BPTF: variants seen among roughly 807,000 people sequenced by gnomAD.
BPTF encodes nucleosome-remodeling factor subunit BPTF.
A neutral mutation model predicts 292.5 loss-of-function variants in BPTF; 18 were observed. The ratio of observed to expected loss-of-function variants is 0.06; its 90% CI spans 0.04 to 0.09. The LOEUF (loss-of-function observed/expected upper bound fraction) is 0.09. BPTF is among the 10% of genes least tolerant of loss of function. The probability of loss-of-function intolerance (pLI) is 1.00; values close to 1 mark genes in which losing one functional copy is unlikely to be tolerated. For synonymous variants in BPTF, 1,225 were observed against 1,251.9 expected (o/e 0.98, Z 0.45); for missense variants, 2,726 against 3,498.7 (o/e 0.78, Z 5.57).
intron 2 of BPTF, among the ~76,000 whole-genome samples, chr17:67,857,319 C>G (rs1162995867): frequency 6.6e-6 from 1 of 151,764 alleles, no homozygotes; most frequent in Non-Finnish European, 1.5e-5. Context: ...CGCCACCGTG[C>G]CCGGTTAATT....
chr17:67,861,310 A>AC (rs1226824816), intron 2 of BPTF, among the ~76,000 whole-genome samples: 2 of 145,972 alleles, frequency 1.4e-5, no homozygotes, highest in East Asian at 4.0e-4. Flanking sequence ...AAGTAGTGTA[A>AC]CCCCCTACCC....
chr17:67,937,724 AGAGAGGTG>A (rs1050242573), intron 18 of BPTF, among the ~76,000 whole-genome samples: 3 of 143,974 alleles, frequency 2.1e-5, no homozygotes, highest in Non-Finnish European at 4.6e-5. Flanking sequence ...AGTTATGGTC[AGAGAGGTG>A]GAGGGTGGGT....
chr17:67,885,489 C>T (rs2060691795), intron 4 of BPTF, among the ~76,000 whole-genome samples: 1 of 152,032 alleles, frequency 6.6e-6, no homozygotes, highest in Non-Finnish European at 1.5e-5. Flanking sequence ...ACTCAGGAGG[C>T]TGAGGCGGGA....
chr17:67,892,324 T>G (rs2061171463), intron 5 of BPTF, among the ~76,000 whole-genome samples: 1 of 152,236 alleles, frequency 6.6e-6, no homozygotes, highest in South Asian at 2.1e-4. Context: ...AATTAAAGCC[T>G]TCTTTACACA....
intron 4 of BPTF, among the ~76,000 whole-genome samples, chr17:67,887,619 GACTTTTTCAATTGCAAGT>G (rs2146135518): frequency 6.6e-6 from 1 of 152,160 alleles, no homozygotes; most frequent in African/African-American, 2.4e-5. Flanking sequence ...TTTTAATTAG[GACTTTTTCAATTGCAAGT>G]GACCAAACCA....
At chr17:67,926,057 G>C (rs1176695152) in intron 15 of BPTF, among the ~76,000 whole-genome samples, 3 of 129,032 alleles carry the variant, frequency 2.3e-5, no homozygotes, top group Non-Finnish European at 3.1e-5. Flanking sequence ...CAGGCTGCTG[G>C]AGTGCAGTGG....
Position 67,875,922 on chromosome 17 carries a change from G to A in BPTF, c.1864+902G>A, listed in dbSNP as rs1478187096. Among the ~76,000 whole-genome samples, 11 of 152,186 alleles carry A rather than the reference G, an allele frequency of 7.2e-5. No individual in the cohort carries two copies. In the East Asian group the frequency reaches 1.3e-3, roughly 19 times the overall value. ...TTGGAGTTTGATAAATGTCCTCGCAGTTAGTGCTTGAAACTCATCATAATT... is the reference window on the plus strand; with the variant it reads ...TTGGAGTTTGATAAATGTCCTCGCAATTAGTGCTTGAAACTCATCATAATT... On this transcript the variant is annotated intron_variant, in intron 4 of 27. Coordinates refer to ENST00000306378, the MANE Select transcript of BPTF (RefSeq NM_182641.4).
In BPTF at chr17:67,945,746, A is replaced by G. The variant is rs1555674580; in HGVS notation, c.7038A>G (p.Pro2346=). ...AGTCTCCTGTTCGTGTCCAAAGTCC[A>G]TCACAGACTCGAATACGTCCATCAA... ...QGQSPVRVQS[P]SQTRIRPSTP... is the part of the protein sequence containing the mutation. Residue 2346 remains proline (P), a synonymous_variant, in exon 21 of 28, where the codon CCA becomes CCG. Coordinates refer to ENST00000306378, the MANE Select transcript of BPTF (RefSeq NM_182641.4). 2 of 1,614,188 alleles carry G rather than the reference A, an allele frequency of 1.2e-6. No homozygotes were observed. The highest frequency in any genetic ancestry group is 1.1e-5 in the South Asian group (1 of 91,078).
intron 26 of BPTF, chr17:67,975,562 C>A (rs940316801): frequency 2.9e-5 from 14 of 476,024 alleles, no homozygotes; most frequent in South Asian, 2.7e-4. Context: ...TAACAGCAAC[C>A]CGGATTTATA....
At chr17:67,909,829 CA>C (rs1568037633) in intron 10 of BPTF, 68 bp downstream of exon 10, 1 of 1,314,910 alleles carries the variant, frequency 7.6e-7, no homozygotes, top group Non-Finnish European at 1.0e-6. Flanking sequence ...GGTCCCACCA[CA>C]GGAAAGGTAC....
chr17:67,829,945 T>G (rs2143756141), intron 1 of BPTF, among the ~76,000 whole-genome samples: 1 of 152,348 alleles, frequency 6.6e-6, no homozygotes, highest in Non-Finnish European at 1.5e-5. Context: ...TGAAGATTGT[T>G]TTCCTTTTAT....
At chr17:67,913,833 T>C (rs1040915146) in intron 11 of BPTF, among the ~76,000 whole-genome samples, 1 of 152,222 alleles carries the variant, frequency 6.6e-6, no homozygotes, top group African/African-American at 2.4e-5. Flanking sequence ...TAGTTTTATG[T>C]TGGGAAGGCA....
chr17:67,846,209 G>T (rs987107482), intron 1 of BPTF, among the ~76,000 whole-genome samples: 1 of 152,090 alleles, frequency 6.6e-6, no homozygotes, highest in Non-Finnish European at 1.5e-5. Flanking sequence ...AAAAATATAG[G>T]CTGGGCATGG....
rs1221274437 is a variant in BPTF, at chr17:67,825,890, G to T, written c.166G>T (p.Ala56Ser). ...CCGGGGCAGGTGGGCCGCCGCCCAGGCTGAGGTGGCGCCCAAGACGCGGCT... is the reference window on the plus strand; with the variant it reads ...CCGGGGCAGGTGGGCCGCCGCCCAGTCTGAGGTGGCGCCCAAGACGCGGCT... ...SSRGRWAAAQ[A>S]EVAPKTRLSS... is the part of the protein sequence containing the mutation. Residue 56 changes from alanine to serine, a missense_variant, in exon 1 of 28, where the codon GCT becomes TCT. Ala to Ser is a moderately conservative substitution (Grantham distance 99). Coordinates refer to ENST00000306378, the MANE Select transcript of BPTF (RefSeq NM_182641.4). 1 of 1,015,852 alleles carries T rather than the reference G, an allele frequency of 9.8e-7. No individual in the cohort carries two copies. The highest frequency in any genetic ancestry group is 9.4e-5 in the East Asian group (1 of 10,588). 62.9% of individuals were successfully genotyped at this position (1,015,852 alleles called of 1,614,324 possible).
rs1317345822 is a variant in BPTF, at chr17:67,912,026, T to A, written c.4142T>A (p.Leu1381Gln). 6.2e-7 allele frequency: 1 copy of A among 1,612,720 alleles called. No homozygotes were observed. Among genetic ancestry groups the A allele is most frequent in the East Asian group, 2.2e-5 (1 of 44,828 alleles). ...PVNKCSDQIK[L>Q]KNTTDKKNNE... ...AATAAATGTAGTGATCAAATAAAGC[T>A]AAAAAATACCACTGACAAAAAGAAT... Residue 1381 changes from leucine to glutamine, a missense_variant, in exon 11 of 28, where the codon CTA (leucine) becomes CAA (glutamine). Leu to Gln is a moderately radical substitution (Grantham distance 113, BLOSUM62 -2). Coordinates refer to ENST00000306378, the MANE Select transcript of BPTF (RefSeq NM_182641.4).
intron 3 of BPTF, among the ~76,000 whole-genome samples, chr17:67,870,772 T>TC (rs1464631065): frequency 1.8e-4 from 23 of 130,678 alleles, no homozygotes. Flanking sequence ...ATTTCTTTTT[T>TC]TTTTTTTTTT....
intron 21 of BPTF, 149 bp downstream of exon 21, chr17:67,946,474 A>T (rs1474162715): frequency 3.4e-6 from 4 of 1,191,536 alleles, no homozygotes; most frequent in Non-Finnish European, 4.6e-6. Flanking sequence ...ACCAAAAAAA[A>T]TACTGAATGA....
At chr17:67,947,124 A>G (rs574111730) in intron 21 of BPTF, among the ~76,000 whole-genome samples, 21 of 152,218 alleles carry the variant, frequency 1.4e-4, no homozygotes, top group Non-Finnish European at 3.1e-4. Context: ...GATTATTGCA[A>G]TGATTAAATG....
intron 7 of BPTF, among the ~76,000 whole-genome samples, chr17:67,894,782 A>G (rs572684521): frequency 5.3e-4 from 80 of 152,326 alleles, no homozygotes; most frequent in Middle Eastern, 6.8e-3. Flanking sequence ...TGTAGGCACT[A>G]TGCTAGGAAT....
Sources: gnomAD v4.1 joint callset for allele counts (sites outside exome capture counted in the v4.1 genomes callset) on GRCh38, gnomAD v4.1.1 for gene constraint, MANE v1.5 for transcripts, NCBI Gene and HGNC (gene_info 2026-07-23, HGNC 2026-07-21) for gene names.